Variants in CNTN5 observed in about 807,000 individuals in gnomAD.
The protein encoded by CNTN5 is contactin-5.
A neutral mutation model predicts 129.1 loss-of-function variants in CNTN5; 77 were observed. The ratio of observed to expected loss-of-function variants is 0.60; its 90% CI spans 0.50 to 0.72. The LOEUF (loss-of-function observed/expected upper bound fraction) is 0.72, where lower values mean the gene tolerates loss of function less well. Ranked by LOEUF, CNTN5 falls within the 30% of genes least tolerant of loss-of-function variation. The probability of loss-of-function intolerance (pLI) is 0.00; values close to 1 mark genes in which losing one functional copy is unlikely to be tolerated. For synonymous variants in CNTN5, 509 were observed against 465.6 expected, an observed-to-expected ratio of 1.09 and a Z score of -1.20; for missense variants, 1,478 against 1,328.8, an observed-to-expected ratio of 1.11 and a Z score of -1.75.
chr11:99,686,591 T>C (rs1953805281), intron 3 of CNTN5, among the ~76,000 whole-genome samples: 1 of 152,176 alleles, frequency 6.6e-6, no homozygotes, highest in Non-Finnish European at 1.5e-5. Flanking sequence ...TTTCCGGAAC[T>C]TTTATCTCTC....
chr11:99,458,785 G>A (rs1275115234), intron 2 of CNTN5, among the ~76,000 whole-genome samples: 1 of 151,972 alleles, frequency 6.6e-6, no homozygotes, highest in African/African-American at 2.4e-5. Flanking sequence ...TGAAGTCTGG[G>A]GAACTGAGCA....
chr11:99,435,617 T>A (rs1224882896), intron 2 of CNTN5, among the ~76,000 whole-genome samples: 1 of 152,202 alleles, frequency 6.6e-6, no homozygotes, highest in Non-Finnish European at 1.5e-5. Flanking sequence ...TTGGTGAGCA[T>A]TACTTACTCT....
intron 3 of CNTN5, among the ~76,000 whole-genome samples, chr11:99,735,891 C>G (rs975580893): frequency 2.0e-5 from 3 of 152,136 alleles, no homozygotes; most frequent in Non-Finnish European, 4.4e-5. Context: ...CCAGATCTTG[C>G]AAAACTGAAA....
intron 9 of CNTN5, among the ~76,000 whole-genome samples, chr11:100,009,754 C>A (rs1003199975): frequency 6.6e-6 from 1 of 152,074 alleles, no homozygotes; most frequent in African/African-American, 2.4e-5. Flanking sequence ...ATGTAATGTT[C>A]CCTGAAAGGA....
chr11:99,700,048 C>T (rs1253227623), intron 3 of CNTN5, among the ~76,000 whole-genome samples: 1 of 151,372 alleles, frequency 6.6e-6, no homozygotes, highest in Non-Finnish European at 1.5e-5. Flanking sequence ...CTCCATGGTT[C>T]CACAGGTATC....
At chr11:99,110,872 A>G (rs888012684) in intron 1 of CNTN5, among the ~76,000 whole-genome samples, 1 of 152,168 alleles carries the variant, frequency 6.6e-6, no homozygotes, top group Non-Finnish European at 1.5e-5. Flanking sequence ...TGTGATAGAA[A>G]TAGATCCATC....
chr11:100,180,849 T>G (rs1948116586), intron 13 of CNTN5, among the ~76,000 whole-genome samples: 1 of 151,738 alleles, frequency 6.6e-6, no homozygotes, highest in African/African-American at 2.4e-5. Flanking sequence ...AGAAAAAGAT[T>G]TTCAACATCA....
chr11:99,728,411 G>A (rs1261445839), intron 3 of CNTN5, among the ~76,000 whole-genome samples: 6 of 152,088 alleles, frequency 3.9e-5, no homozygotes, highest in Non-Finnish European at 8.8e-5. Flanking sequence ...ATCATTAAAC[G>A]GTAACAAAGA....
chr11:99,233,462 T>C (rs1319350993), intron 1 of CNTN5, among the ~76,000 whole-genome samples: 2 of 152,174 alleles, frequency 1.3e-5, no homozygotes, highest in Non-Finnish European at 1.5e-5. Context: ...TGGTATAAAT[T>C]GTAGAATGAT....
chr11:99,733,868 CTT>C (rs1943614713), intron 3 of CNTN5, among the ~76,000 whole-genome samples: 1 of 152,186 alleles, frequency 6.6e-6, no homozygotes, highest in African/African-American at 2.4e-5. Context: ...AGCCTACTGA[CTT>C]ATGAACTGGC....
chr11:99,833,064 G>A (rs1259673338), intron 4 of CNTN5, among the ~76,000 whole-genome samples: 1 of 152,210 alleles, frequency 6.6e-6, no homozygotes, highest in Admixed American at 6.5e-5. Flanking sequence ...GTTGGGTCAT[G>A]ATCCAATAAA....
At chr11:99,962,253 A>C (rs1950968039) in intron 8 of CNTN5, among the ~76,000 whole-genome samples, 2 of 151,968 alleles carry the variant, frequency 1.3e-5, no homozygotes, top group South Asian at 4.2e-4. Flanking sequence ...GGTGTGCTGC[A>C]CCCATTAACT....
intron 3 of CNTN5, among the ~76,000 whole-genome samples, chr11:99,806,871 A>G (rs1343219137): frequency 1.9e-5 from 1 of 52,776 alleles, no homozygotes; most frequent in Admixed American, 2.6e-4. Context: ...TAAATCAATC[A>G]TAAAATGATC....
intron 12 of CNTN5, among the ~76,000 whole-genome samples, chr11:100,072,127 T>C (rs1019798456): frequency 6.6e-6 from 1 of 152,176 alleles, no homozygotes; most frequent in Non-Finnish European, 1.5e-5. Context: ...AAGAAATACA[T>C]GTTAACTTCC....
At position 100,133,026 on chromosome 11, in the gene CNTN5, T is replaced by C. The variant is rs149732978; in HGVS notation, c.1581-58100T>C. 6.1e-3 allele frequency among the ~76,000 whole-genome samples: 926 copies of C among 152,222 alleles called. 10 individuals are homozygous for C. The highest frequency in any genetic ancestry group is 0.021 in the African/African-American group (859 of 41,550). On this transcript the variant is annotated intron_variant, in intron 13 of 24. Transcript: ENST00000524871. ...CCTTTATAAAAATAGCAGAACAGTA[T>C]ATTTTAATATTAATTTTAATGATAT...
chr11:99,376,185 C>T (rs1424592605), intron 2 of CNTN5, among the ~76,000 whole-genome samples: 1 of 152,118 alleles, frequency 6.6e-6, no homozygotes, highest in Non-Finnish European at 1.5e-5. Context: ...CCTCATGTTC[C>T]AGTCTCAGTG....
intron 2 of CNTN5, among the ~76,000 whole-genome samples, chr11:99,480,712 T>TTTTTG (rs1945563161): frequency 6.6e-6 from 1 of 152,284 alleles, no homozygotes; most frequent in East Asian, 1.9e-4. Context: ...ATAGTCATTT[T>TTTTTG]TTTTGTTTTG....
intron 3 of CNTN5, among the ~76,000 whole-genome samples, chr11:99,695,995 T>C (rs1031135937): frequency 1.3e-5 from 2 of 152,112 alleles, no homozygotes; most frequent in African/African-American, 4.8e-5. Context: ...TTTACCTGTA[T>C]TTATTAATTT....
intron 2 of CNTN5, among the ~76,000 whole-genome samples, chr11:99,345,521 A>G (rs1031268786): frequency 2.0e-5 from 3 of 152,182 alleles, no homozygotes; most frequent in Non-Finnish European, 4.4e-5. Context: ...GCACCCAATG[A>G]GGAAGGCGTT....
Sources: allele counts gnomAD v4.1 joint callset (sites outside exome capture counted in the v4.1 genomes callset), GRCh38; gene constraint gnomAD v4.1.1; transcripts MANE v1.5; gene names NCBI Gene and HGNC (gene_info 2026-07-23, HGNC 2026-07-21).